Variants in DYNC2I1 observed in about 807,000 individuals in gnomAD.
DYNC2I1 encodes cytoplasmic dynein 2 intermediate chain 1.
In DYNC2I1, 89 loss-of-function variants were observed where a neutral mutation model predicts 133.4. The observed-to-expected ratio is 0.67, with a 90% CI of 0.56 to 0.80. DYNC2I1 has a LOEUF of 0.80. Ranked by LOEUF, DYNC2I1 falls within the 30% of genes least tolerant of loss-of-function variation. The probability of loss-of-function intolerance (pLI) is 0.00; values close to 1 mark genes in which losing one functional copy is unlikely to be tolerated. For missense variants in DYNC2I1, 1,291 were observed against 1,314.5 expected (o/e 0.98, Z 0.28); for synonymous variants, 504 against 484.3 (o/e 1.04, Z -0.54).
chr7:158,914,162 C>T, intron 13 of DYNC2I1, 71 bp from the exon 14 acceptor site: 2 of 1,288,830 alleles, frequency 1.6e-6, no homozygotes, highest in East Asian at 2.5e-5. Flanking sequence ...CCTGTTTGAA[C>T]TCTTAAGATG....
chr7:158,914,235 A>G lies in DYNC2I1; in HGVS notation c.1705A>G (p.Ser569Gly). The change falls in exon 14 of 25, where the codon AGT (serine) becomes GGT (glycine). Residue 569 changes from serine (S) to glycine (G), a missense_variant and splice_region_variant. Physicochemically the swap from Ser to Gly is moderately conservative, Grantham distance 56 (BLOSUM62 0). Coordinates refer to ENST00000407559, the MANE Select transcript of DYNC2I1 (RefSeq NM_018051.5). ...TTTATATAAACTGTTTTTTTTAGGC[A>G]GTGAACAAAGAGATACCTCTGATGC... ...PGESTVVSGG[S>G]EQRDTSDAVV... 1.2e-6 allele frequency: 2 copies of G among 1,609,292 alleles called. No homozygotes were observed. The highest frequency in any genetic ancestry group is 1.7e-6 in the Non-Finnish European group (2 of 1,177,700).
intron 23 of DYNC2I1, among the ~76,000 whole-genome samples, 170 bp from the exon 24 acceptor site, chr7:158,941,755 G>T (rs1851391550): frequency 6.6e-6 from 1 of 152,174 alleles, no homozygotes; most frequent in East Asian, 1.9e-4. Context: ...GTGCCTGCGT[G>T]TAGTCTCAGC....
intron 6 of DYNC2I1, among the ~76,000 whole-genome samples, chr7:158,886,245 C>A (rs1271553363): frequency 1.3e-5 from 2 of 152,056 alleles, no homozygotes; most frequent in Non-Finnish European, 2.9e-5. Context: ...AATTCCCCTG[C>A]CTCAGCCTCC....
intron 1 of DYNC2I1, among the ~76,000 whole-genome samples, chr7:158,857,835 G>T (rs1246372548): frequency 6.7e-6 from 1 of 148,494 alleles, no homozygotes; most frequent in Non-Finnish European, 1.5e-5. Flanking sequence ...TTGTCGCCCA[G>T]GCTGGAGTAC....
At chr7:158,863,179 G>A (rs1215538894) in intron 1 of DYNC2I1, among the ~76,000 whole-genome samples, 5 of 152,104 alleles carry the variant, frequency 3.3e-5, no homozygotes, top group South Asian at 2.1e-4. Context: ...ATCGTGGTGC[G>A]TTTACAAACC....
intron 8 of DYNC2I1, among the ~76,000 whole-genome samples, chr7:158,895,805 C>T (rs575882501): frequency 4.1e-4 from 62 of 152,260 alleles, no homozygotes; most frequent in Non-Finnish European, 8.2e-4. Flanking sequence ...TTTTGCTTAG[C>T]AGAGCTTTAT....
In DYNC2I1 at chr7:158,912,267, G is replaced by A. The variant is rs373680170; in HGVS notation, c.1590+588G>A. ...CCAATCATTAATTCATTATGTGATG[G>A]TCTCACTTCACAACAAGGTTCTAAA... On this transcript the variant is annotated intron_variant, in intron 12 of 24. Coordinates refer to ENST00000407559, the MANE Select transcript of DYNC2I1 (RefSeq NM_018051.5). Among the ~76,000 whole-genome samples, 3 of 152,180 alleles carry A rather than the reference G, an allele frequency of 2.0e-5. No homozygotes were observed. The East Asian group carries it at 5.8e-4, about 29-fold the overall frequency.
intron 4 of DYNC2I1, among the ~76,000 whole-genome samples, chr7:158,952,530 G>A (rs945415460): frequency 1.1e-4 from 17 of 151,550 alleles, no homozygotes; most frequent in African/African-American, 3.6e-4. Context: ...GCTCTTTACA[G>A]CCTGACAGTA....
At chr7:158,871,651 C>T in intron 3 of DYNC2I1, 89 bp downstream of exon 3, 2 of 1,342,540 alleles carry the variant, frequency 1.5e-6, no homozygotes, top group Middle Eastern at 2.7e-4. Context: ...TCCCCTCCCT[C>T]TCTCCCCCGC....
chr7:158,866,486 C>T (rs894264349), intron 1 of DYNC2I1, among the ~76,000 whole-genome samples: 6 of 151,318 alleles, frequency 4.0e-5, no homozygotes, highest in South Asian at 4.2e-4. Flanking sequence ...GGACTGTCCC[C>T]GAGTATCCTG....
At chr7:158,912,802 A>G (rs993503644) in intron 12 of DYNC2I1, among the ~76,000 whole-genome samples, 183 bp from the exon 13 acceptor site, 8 of 152,214 alleles carry the variant, frequency 5.3e-5, no homozygotes, top group Non-Finnish European at 7.4e-5. Flanking sequence ...TTTTGAACAC[A>G]CTTTTGAAAA....
intron 13 of DYNC2I1, among the ~76,000 whole-genome samples, chr7:158,913,305 G>A (rs1401933951): frequency 6.6e-6 from 1 of 152,216 alleles, no homozygotes; most frequent in African/African-American, 2.4e-5. Flanking sequence ...GAGGAAACCT[G>A]CTCTCGAGGC....
upstream of DYNC2I1, among the ~76,000 whole-genome samples, chr7:158,852,481 C>T (rs956176279): frequency 2.6e-5 from 4 of 151,760 alleles, no homozygotes; most frequent in Non-Finnish European, 5.9e-5. Context: ...TGGCTCACGC[C>T]TGTAATCCTA....
chr7:158,926,278 T>C lies in DYNC2I1; in HGVS notation c.2349T>C (p.Leu783=), dbSNP rs1159300009. The part of the protein sequence containing the change: ...TSVHKKQSFV[L]SPFSTQEEMS... ...TCCACAAAAAGCAGAGCTTTGTGCT[T>C]TCACCCTTTTCTACTCAAGAAGGTA... Residue 783 remains leucine (L), a synonymous_variant, in exon 18 of 25, where the codon CTT becomes CTC. Coordinates refer to ENST00000407559, the MANE Select transcript of DYNC2I1 (RefSeq NM_018051.5). The C allele has an allele frequency of 3.1e-6, 5 of 1,612,630 alleles. No homozygotes were observed. Among genetic ancestry groups the C allele is most frequent in the Non-Finnish European group, 4.2e-6 (5 of 1,179,330 alleles).
In DYNC2I1 at chr7:158,923,693, C is replaced by G. The variant is rs368585581; in HGVS notation, c.2217C>G (p.Ser739Arg). Residue 739 changes from serine (S) to arginine (R), a missense_variant, in exon 17 of 25, where the codon AGC (serine) becomes AGG (arginine). Ser to Arg is a moderately radical substitution (Grantham distance 110). Transcript: ENST00000407559. ...DSRLHYSVTL[S>R]DGFWTFRTAT... is the part of the protein sequence containing the mutation. ...GGCTGCATTACTCTGTGACGCTGAG[C>G]GATGGCTTCTGGACGTTCCGGACCG... 3.1e-6 allele frequency: 5 copies of G among 1,613,786 alleles called. No individual in the cohort carries two copies. In the South Asian group the frequency reaches 4.4e-5, roughly 14 times the overall value.
At chr7:158,873,191 C>G (rs931640502) in intron 3 of DYNC2I1, among the ~76,000 whole-genome samples, 1 of 151,670 alleles carries the variant, frequency 6.6e-6, no homozygotes, top group African/African-American at 2.4e-5. Context: ...TTTTTCCTCC[C>G]CAAATGGAAA....
chr7:158,846,784 T>C, the DYNC2I1 span, among the ~76,000 whole-genome samples: 1 of 152,246 alleles, frequency 6.6e-6, no homozygotes, highest in Non-Finnish European at 1.5e-5. Context: ...TGAGAAGGCC[T>C]GGGATGGTAA....
chr7:158,886,504 AT>A (rs765214681), intron 6 of DYNC2I1, among the ~76,000 whole-genome samples: 28 of 152,162 alleles, frequency 1.8e-4, no homozygotes, highest in Non-Finnish European at 2.9e-4. Context: ...TCTGGAAGAT[AT>A]TTTCTGTCTT....
chr7:158,915,319 G>A (rs1330640358), intron 14 of DYNC2I1, among the ~76,000 whole-genome samples: 1 of 151,742 alleles, frequency 6.6e-6, no homozygotes. Context: ...GGACACGCTG[G>A]TTGACATTAA....
Sources: gnomAD v4.1 joint callset for allele counts (sites outside exome capture counted in the v4.1 genomes callset) on GRCh38, gnomAD v4.1.1 for gene constraint, MANE v1.5 for transcripts, NCBI Gene and HGNC (gene_info 2026-07-23, HGNC 2026-07-21) for gene names.